ENTREP2: variants seen among roughly 807,000 people sequenced by gnomAD.
ENTREP2 encodes the protein protein ENTREP2.
the ENTREP2 span, among the ~76,000 whole-genome samples, chr15:29,596,239 A>G: frequency 1.3e-5 from 2 of 152,218 alleles, no homozygotes; most frequent in Non-Finnish European, 2.9e-5. Context: ...CTCTGCATAT[A>G]TATAATGCTG....
chr15:29,225,252 CGAGGAG>C, the ENTREP2 span, among the ~76,000 whole-genome samples: 1 of 152,242 alleles, frequency 6.6e-6, no homozygotes, highest in Non-Finnish European at 1.5e-5. Context: ...GCACCAAGGC[CGAGGAG>C]GCGCCCAGAG....
At chr15:29,344,799 C>A in the ENTREP2 span, among the ~76,000 whole-genome samples, 4,545 of 151,958 alleles carry the variant, frequency 0.03, 136 homozygotes, top group African/African-American at 0.073. Context: ...CAGGGGCTGA[C>A]AGAGGCAGAG....
chr15:29,242,774 G>A, the ENTREP2 span, among the ~76,000 whole-genome samples: 1 of 152,188 alleles, frequency 6.6e-6, no homozygotes, highest in Non-Finnish European at 1.5e-5. Flanking sequence ...GAGACAGAAT[G>A]CTCAGAGAAC....
At chr15:29,368,327 C>CAAAA in the ENTREP2 span, among the ~76,000 whole-genome samples, 1 of 139,126 alleles carries the variant, frequency 7.2e-6, no homozygotes, top group Non-Finnish European at 1.5e-5. Context: ...GACTCCATCT[C>CAAAA]AAAAAAAAAA....
chr15:29,119,085 C>T, the ENTREP2 span, among the ~76,000 whole-genome samples: 1 of 152,154 alleles, frequency 6.6e-6, no homozygotes, highest in Non-Finnish European at 1.5e-5. Flanking sequence ...GGGCTTGCTC[C>T]AGCATGACCT....
chr15:29,234,966 A>C, the ENTREP2 span: 1 of 1,497,620 alleles, frequency 6.7e-7, no homozygotes, highest in Non-Finnish European at 9.3e-7. Context: ...TCATTCCAAC[A>C]GATTGTATTA....
chr15:29,224,134 G>A, the ENTREP2 span, among the ~76,000 whole-genome samples: 1 of 152,220 alleles, frequency 6.6e-6, no homozygotes, highest in Non-Finnish European at 1.5e-5. Flanking sequence ...TCTTCCTTCT[G>A]GTGGGTTCGT....
chr15:29,185,262 T>C, the ENTREP2 span, among the ~76,000 whole-genome samples: 1 of 152,118 alleles, frequency 6.6e-6, no homozygotes, highest in Non-Finnish European at 1.5e-5. Flanking sequence ...CCTGCTCAGC[T>C]TCCTGGAACC....
chr15:29,138,617 G>C, the ENTREP2 span, among the ~76,000 whole-genome samples: 1 of 138,662 alleles, frequency 7.2e-6, no homozygotes, highest in Non-Finnish European at 1.6e-5. Flanking sequence ...GTGTTTGTAT[G>C]TATGTGTATG....
chr15:29,286,969 T>C, the ENTREP2 span, among the ~76,000 whole-genome samples: 2 of 152,178 alleles, frequency 1.3e-5, no homozygotes, highest in Non-Finnish European at 2.9e-5. Flanking sequence ...CGGGCCACTA[T>C]GGGATTCTCC....
At chr15:29,662,774 G>A in the ENTREP2 span, among the ~76,000 whole-genome samples, 2 of 152,012 alleles carry the variant, frequency 1.3e-5, no homozygotes, top group African/African-American at 2.4e-5. Context: ...AGGCTGGAGT[G>A]CAATGGCGCA....
the ENTREP2 span, among the ~76,000 whole-genome samples, chr15:29,372,887 T>C: frequency 1.4e-3 from 208 of 152,138 alleles, no homozygotes; most frequent in Non-Finnish European, 1.9e-3. Context: ...TCAAAAAAAA[T>C]AATATTGGGA....
the ENTREP2 span, among the ~76,000 whole-genome samples, chr15:29,294,472 C>T: frequency 6.6e-6 from 1 of 152,168 alleles, no homozygotes; most frequent in Non-Finnish European, 1.5e-5. Flanking sequence ...CCGCCCTGGG[C>T]CTCCACAGTG....
At chr15:29,268,399 T>G in the ENTREP2 span, 1 of 182,058 alleles carries the variant, frequency 5.5e-6, no homozygotes, top group Non-Finnish European at 1.1e-5. Context: ...TTATAAAAAC[T>G]TTTATTTTTC....
chr15:29,291,223 C>T, the ENTREP2 span, among the ~76,000 whole-genome samples: 1 of 152,180 alleles, frequency 6.6e-6, no homozygotes, highest in Admixed American at 6.5e-5. Context: ...CAAACCTTTG[C>T]TACGTTAAGC....
chr15:29,376,903 G>T, the ENTREP2 span: 2 of 152,302 alleles, frequency 1.3e-5, no homozygotes, highest in African/African-American at 4.8e-5. Flanking sequence ...TACTCAGCCA[G>T]CCAGGCCTGC....
chr15:29,319,096 A>G, the ENTREP2 span, among the ~76,000 whole-genome samples: 2 of 152,182 alleles, frequency 1.3e-5, no homozygotes, highest in East Asian at 3.9e-4. Flanking sequence ...TACTCAAACC[A>G]AGGCAGAGCC....
At chr15:29,456,455 C>T in the ENTREP2 span, among the ~76,000 whole-genome samples, 4 of 152,084 alleles carry the variant, frequency 2.6e-5, no homozygotes, top group Admixed American at 1.3e-4. Flanking sequence ...ATGGGGGTGA[C>T]GTCAAGGCTA....
chr15:29,152,840 T>G, the ENTREP2 span, among the ~76,000 whole-genome samples: 5 of 152,232 alleles, frequency 3.3e-5, no homozygotes, highest in Admixed American at 3.3e-4. Context: ...AATTGCATGT[T>G]TAGTTTTATT....
Sources: allele counts gnomAD v4.1 joint callset (sites outside exome capture counted in the v4.1 genomes callset), GRCh38; gene constraint gnomAD v4.1.1; transcripts MANE v1.5; gene names NCBI Gene and HGNC (gene_info 2026-07-23, HGNC 2026-07-21).